Variants in DPYS observed in about 807,000 individuals in gnomAD.
DPYS encodes the protein dihydropyrimidinase, also known as dihydropyrimidine amidohydrolase.
Under a neutral mutation model 50.3 loss-of-function variants are expected in DPYS, and 39 were observed. The observed-to-expected ratio is 0.78, with a 90% confidence interval of 0.60 to 1.01. The LOEUF (loss-of-function observed/expected upper bound fraction) is 1.01. DPYS is among the 50% of genes least tolerant of loss of function. The probability of loss-of-function intolerance (pLI) is 0.00; values close to 1 mark genes in which losing one functional copy is unlikely to be tolerated. For synonymous variants in DPYS, 245 were observed against 250.7 expected (o/e 0.98, Z 0.22); for missense variants, 659 against 680.9 (o/e 0.97, Z 0.36).
At chr8:104,393,646 T>C (rs1466308388) in intron 7 of DPYS, among the ~76,000 whole-genome samples, 1 of 152,234 alleles carries the variant, frequency 6.6e-6, no homozygotes, top group African/African-American at 2.4e-5. Flanking sequence ...TTCTCAGTAG[T>C]TTATTAATAC....
intron 1 of DPYS, among the ~76,000 whole-genome samples, chr8:104,462,309 G>T (rs1270630517): frequency 1.3e-5 from 2 of 152,132 alleles, no homozygotes; most frequent in Non-Finnish European, 2.9e-5. Context: ...CAGAAAAGGG[G>T]ATTTGATTTG....
At chr8:104,427,748 G>A (rs552704646) in intron 6 of DPYS, among the ~76,000 whole-genome samples, 2 of 152,212 alleles carry the variant, frequency 1.3e-5, no homozygotes, top group South Asian at 4.1e-4. Context: ...GCAAAATAGT[G>A]CGATGCATCG....
At chr8:104,396,705 G>A (rs1295656043) in intron 7 of DPYS, among the ~76,000 whole-genome samples, 1 of 151,842 alleles carries the variant, frequency 6.6e-6, no homozygotes, top group Non-Finnish European at 1.5e-5. Flanking sequence ...CTAAGAAAAG[G>A]AAGATGGCAG....
At chr8:104,388,837 G>A (rs563159047) in intron 8 of DPYS, among the ~76,000 whole-genome samples, 1 of 152,210 alleles carries the variant, frequency 6.6e-6, no homozygotes, top group East Asian at 1.9e-4. Flanking sequence ...ATAGCTGCAT[G>A]GTATGGTGTT....
chr8:104,463,969 G>T (rs756087598), intron 1 of DPYS, among the ~76,000 whole-genome samples: 7 of 152,042 alleles, frequency 4.6e-5, no homozygotes, highest in Non-Finnish European at 1.0e-4. Context: ...GGGTGGGAGT[G>T]GTTACCTCTT....
At chr8:104,447,555 T>C in intron 2 of DPYS, 52 bp from the exon 3 acceptor site, 1 of 1,592,302 alleles carries the variant, frequency 6.3e-7, no homozygotes, top group Non-Finnish European at 8.6e-7. Context: ...ATTTAAATGA[T>C]AATTTCAACC....
At position 104,436,724 on chromosome 8, in the gene DPYS, A is replaced by G. The variant is rs572920957; in HGVS notation, c.794-7023T>C. Among the ~76,000 whole-genome samples, 141 of 152,222 alleles carry G rather than the reference A, an allele frequency of 9.3e-4. 1 individual carries two copies. The highest frequency in any genetic ancestry group is 3.0e-3 in the African/African-American group (126 of 41,556). On this transcript the variant is annotated intron_variant, in intron 4 of 9. Transcript: ENST00000351513. ...AAATTAAGAAGATAAGCTGAGCCCA[A>G]TGGTTCATGCCTGTAATCCCAATAC...
chr8:104,389,539 AT>A (rs201683920), intron 8 of DPYS, among the ~76,000 whole-genome samples: 201 of 116,318 alleles, frequency 1.7e-3, no homozygotes, highest in Middle Eastern at 8.8e-3. Flanking sequence ...TCTTCCTTTT[AT>A]TTTTTTTTTT....
chr8:104,466,342 G>A (rs1421930264), intron 1 of DPYS, among the ~76,000 whole-genome samples: 1 of 152,200 alleles, frequency 6.6e-6, no homozygotes, highest in African/African-American at 2.4e-5. Flanking sequence ...GGAGATTTGG[G>A]GAGTAAGCGG....
At chr8:104,466,515 C>T (rs1301209193) in intron 1 of DPYS, 142 bp downstream of exon 1, 1 of 992,346 alleles carries the variant, frequency 1.0e-6, no homozygotes, top group Non-Finnish European at 1.4e-6. Context: ...CTGACACCCG[C>T]CGGGGCTGCG....
At position 104,447,516 on chromosome 8, in the gene DPYS, A is replaced by G. The variant is rs762309678; in HGVS notation, c.424-13T>C. 1.9e-6 allele frequency: 3 copies of G among 1,613,892 alleles called. No individual in the cohort carries two copies. The highest frequency in any genetic ancestry group is 2.5e-6 in the Non-Finnish European group (3 of 1,179,796). ...TTTCTTCTTTAACCTAAAAGGAAGCAGCAACCATAACAACAATATGTTACT... is the reference window on the plus strand; with the variant it reads ...TTTCTTCTTTAACCTAAAAGGAAGCGGCAACCATAACAACAATATGTTACT... On this transcript the variant is annotated splice_polypyrimidine_tract_variant and intron_variant, in intron 2 of 9. Transcript: ENST00000351513.
intron 1 of DPYS, among the ~76,000 whole-genome samples, chr8:104,457,509 C>T (rs1023459966): frequency 2.0e-5 from 3 of 152,208 alleles, no homozygotes; most frequent in African/African-American, 7.2e-5. Flanking sequence ...TATCCAAATG[C>T]ATTTTCTTCC....
chr8:104,438,666 A>G (rs893868035), intron 4 of DPYS, among the ~76,000 whole-genome samples: 3 of 152,180 alleles, frequency 2.0e-5, no homozygotes, highest in African/African-American at 7.2e-5. Flanking sequence ...TAGACAAAGC[A>G]TGGAAGACCT....
At chr8:104,433,818 A>G (rs535597759) in intron 4 of DPYS, among the ~76,000 whole-genome samples, 2 of 152,298 alleles carry the variant, frequency 1.3e-5, no homozygotes, top group South Asian at 4.1e-4. Context: ...GAGAGGGGCC[A>G]CTGTGTAGAT....
intron 8 of DPYS, among the ~76,000 whole-genome samples, chr8:104,384,972 G>A (rs1245461415): frequency 1.3e-5 from 2 of 152,146 alleles, no homozygotes; most frequent in East Asian, 3.8e-4. Context: ...GGTGGGCCCA[G>A]AGCTCTATCT....
chr8:104,384,989 C>T (rs530310649), intron 8 of DPYS, among the ~76,000 whole-genome samples: 3 of 152,174 alleles, frequency 2.0e-5, no homozygotes, highest in South Asian at 4.1e-4. Flanking sequence ...ATCTTAAGCC[C>T]CCTTTCTTCT....
intron 8 of DPYS, among the ~76,000 whole-genome samples, chr8:104,388,088 A>G (rs1278423741): frequency 6.6e-6 from 1 of 152,206 alleles, no homozygotes; most frequent in African/African-American, 2.4e-5. Context: ...ATGGCAAGTG[A>G]TATGTCTTAA....
At chr8:104,457,019 A>G (rs71520888) in intron 1 of DPYS, among the ~76,000 whole-genome samples, 13,240 of 152,294 alleles carry the variant, frequency 0.087, 679 homozygotes, top group South Asian at 0.11. Flanking sequence ...CCTGAAACTG[A>G]GGATAGTATT....
chr8:104,427,886 T>G, intron 6 of DPYS, 94 bp downstream of exon 6: 1 of 1,591,672 alleles, frequency 6.3e-7, no homozygotes, highest in Non-Finnish European at 8.6e-7. Context: ...ATCAAAAAGC[T>G]TCTCTATGAA....
Sources: allele counts gnomAD v4.1 joint callset (sites outside exome capture counted in the v4.1 genomes callset), GRCh38; gene constraint gnomAD v4.1.1; transcripts MANE v1.5; gene names NCBI Gene and HGNC (gene_info 2026-07-23, HGNC 2026-07-21).